ANKRD17: variants seen among roughly 807,000 people sequenced by gnomAD.
The protein encoded by ANKRD17 is ankyrin repeat domain 17, also known as ankyrin repeat domain-containing protein 17.
A neutral mutation model predicts 229.7 loss-of-function variants in ANKRD17; 19 were observed. The observed-to-expected ratio is 0.08, with a 90% CI of 0.06 to 0.12. The LOEUF (loss-of-function observed/expected upper bound fraction) is 0.12, where lower values mean the gene tolerates loss of function less well. ANKRD17 is among the 10% of genes least tolerant of loss of function. The probability of loss-of-function intolerance (pLI) is 1.00; values close to 1 mark genes in which losing one functional copy is unlikely to be tolerated. For synonymous variants in ANKRD17, 1,112 were observed against 1,146.1 expected (o/e 0.97, Z 0.60); for missense variants, 2,176 against 3,176.8 (o/e 0.68, Z 7.57).
chr4:73,121,562 A>G lies in ANKRD17; in HGVS notation c.3635+55T>C, dbSNP rs768512596. On this transcript the variant is annotated intron_variant, in intron 19 of 33. Transcript: ENST00000358602. ...GCACTAAAAAATAGGTGTTCTACAA[A>G]TATCTATAACAGTCTTACTAAATAA... The G allele has an allele frequency of 1.6e-5, 25 of 1,601,934 alleles. 1 individual carries two copies. The South Asian group carries it at 2.8e-4, about 18-fold the overall frequency.
At chr4:73,231,100 C>T (rs935333047) in intron 1 of ANKRD17, among the ~76,000 whole-genome samples, 2 of 152,126 alleles carry the variant, frequency 1.3e-5, no homozygotes, top group African/African-American at 4.8e-5. Flanking sequence ...TTGTCCTCCA[C>T]TTGAAAGCAA....
intron 1 of ANKRD17, among the ~76,000 whole-genome samples, chr4:73,204,109 C>T (rs918776209): frequency 9.9e-5 from 15 of 151,794 alleles, no homozygotes; most frequent in Non-Finnish European, 2.2e-4. Flanking sequence ...CCTGTAATAC[C>T]AGCACTTTGG....
intron 3 of ANKRD17, among the ~76,000 whole-genome samples, chr4:73,156,919 C>T (rs920669962): frequency 1.3e-5 from 2 of 151,662 alleles, no homozygotes; most frequent in Non-Finnish European, 2.9e-5. Flanking sequence ...TGATTCATAA[C>T]AAAAAGGCAA....
intron 1 of ANKRD17, among the ~76,000 whole-genome samples, chr4:73,246,385 A>G (rs1437391106): frequency 6.6e-6 from 1 of 152,198 alleles, no homozygotes; most frequent in African/African-American, 2.4e-5. Context: ...GATCACTAGA[A>G]TTCTCTGAAT....
At chr4:73,089,586 T>C (rs1480838267) in intron 29 of ANKRD17, among the ~76,000 whole-genome samples, 1 of 152,224 alleles carries the variant, frequency 6.6e-6, no homozygotes, top group Non-Finnish European at 1.5e-5. Context: ...TAGTTAGTAG[T>C]ACTACACCAA....
intron 16 of ANKRD17, among the ~76,000 whole-genome samples, chr4:73,133,673 C>A (rs554093478): frequency 6.6e-6 from 1 of 151,914 alleles, no homozygotes; most frequent in Non-Finnish European, 1.5e-5. Flanking sequence ...GGATTACAGG[C>A]GTGAGCCACC....
At chr4:73,083,182 T>A (rs1721749202) in intron 30 of ANKRD17, among the ~76,000 whole-genome samples, 1 of 152,196 alleles carries the variant, frequency 6.6e-6, no homozygotes, top group Non-Finnish European at 1.5e-5. Context: ...CTGAGAGACA[T>A]AATCAAATGC....
intron 29 of ANKRD17, among the ~76,000 whole-genome samples, chr4:73,086,919 A>AAAAAAAAAATATATATATATAT (rs1553911000): frequency 8.0e-5 from 1 of 12,464 alleles, no homozygotes; most frequent in African/African-American, 2.6e-4. Context: ...AAAAAAAAAA[A>AAAAAAAAAATATATATATATAT]ATATATATAT....
At chr4:73,174,271 G>C (rs1734440728) in intron 2 of ANKRD17, among the ~76,000 whole-genome samples, 1 of 152,048 alleles carries the variant, frequency 6.6e-6, no homozygotes, top group Non-Finnish European at 1.5e-5. Flanking sequence ...ATGCAGAGAT[G>C]GTTTAACACA....
intron 15 of ANKRD17, among the ~76,000 whole-genome samples, 180 bp from the exon 16 acceptor site, chr4:73,135,445 T>G (rs535924473): frequency 3.9e-5 from 6 of 152,232 alleles, no homozygotes; most frequent in East Asian, 1.9e-4. Context: ...AATTGTAATG[T>G]ATACTGAGTA....
intron 2 of ANKRD17, among the ~76,000 whole-genome samples, chr4:73,162,162 C>T (rs1732620204): frequency 6.6e-6 from 1 of 151,932 alleles, no homozygotes; most frequent in South Asian, 2.1e-4. Context: ...AATCTTCCTG[C>T]CTCAGGCTCC....
intron 18 of ANKRD17, among the ~76,000 whole-genome samples, chr4:73,124,377 T>A (rs772241065): frequency 3.3e-5 from 5 of 150,940 alleles, no homozygotes; most frequent in Non-Finnish European, 7.4e-5. Flanking sequence ...GCCTAGCTAA[T>A]CTCTATCAGT....
intron 25 of ANKRD17, among the ~76,000 whole-genome samples, chr4:73,100,604 A>G (rs1281444239): frequency 1.3e-5 from 2 of 152,134 alleles, no homozygotes; most frequent in African/African-American, 4.8e-5. Context: ...ATGTAAAATA[A>G]TGTCCTCTTT....
intron 29 of ANKRD17, among the ~76,000 whole-genome samples, chr4:73,090,032 T>C (rs1199982264): frequency 6.6e-6 from 1 of 152,214 alleles, no homozygotes. Flanking sequence ...ATTTTTTAAA[T>C]CTGTTATTTT....
chr4:73,093,744 C>A (rs1192136927), intron 28 of ANKRD17, among the ~76,000 whole-genome samples: 1 of 152,106 alleles, frequency 6.6e-6, no homozygotes, highest in Non-Finnish European at 1.5e-5. Flanking sequence ...AAGACAAAAA[C>A]CCACTGCTTA....
chr4:73,233,052 T>C (rs1578480055), intron 1 of ANKRD17, among the ~76,000 whole-genome samples: 1 of 152,180 alleles, frequency 6.6e-6, no homozygotes, highest in East Asian at 1.9e-4. Flanking sequence ...ATAAATGTGA[T>C]GCATCCACTT....
intron 25 of ANKRD17, among the ~76,000 whole-genome samples, chr4:73,099,959 G>A (rs1723762859): frequency 6.6e-6 from 1 of 152,046 alleles, no homozygotes; most frequent in Non-Finnish European, 1.5e-5. Context: ...TACTTACTTT[G>A]CTTCTGCCAC....
chr4:73,203,724 A>G (rs1739000508), intron 1 of ANKRD17, among the ~76,000 whole-genome samples: 2 of 137,862 alleles, frequency 1.5e-5, no homozygotes, highest in Admixed American at 8.4e-5. Context: ...ACGCCACTGC[A>G]CTCCAGCCTG....
chr4:73,141,659 G>T, intron 14 of ANKRD17, 82 bp downstream of exon 14: 1 of 1,335,074 alleles, frequency 7.5e-7, no homozygotes. Flanking sequence ...AAACTTCTTT[G>T]TTTGTAGAAA....
Sources: gnomAD v4.1 joint callset for allele counts (sites outside exome capture counted in the v4.1 genomes callset) on GRCh38, gnomAD v4.1.1 for gene constraint, MANE v1.5 for transcripts, NCBI Gene and HGNC (gene_info 2026-07-23, HGNC 2026-07-21) for gene names.